The following BASP1 variants were observed in gnomAD, a reference collection of about 807,000 sequenced individuals.
BASP1 encodes brain acid soluble protein 1.
Under a neutral mutation model 2.2 loss-of-function variants are expected in BASP1, and 1 was observed. The observed-to-expected ratio is 0.46, with a 90% CI of 0.16 to 2.17. BASP1 has a LOEUF of 2.17. BASP1 is among the 30% of genes most tolerant of loss of function. BASP1 has a pLI of 0.27. For synonymous variants in BASP1, 187 were observed against 154.2 expected (o/e 1.21, Z -1.58); for missense variants, 352 against 327.2 (o/e 1.08, Z -0.58).
Position 17,236,482 on chromosome 5 carries a change from C to A in BASP1, c.-10+18672C>A, listed in dbSNP as rs1204375676. On this transcript the variant is annotated intron_variant, in intron 1 of 1. Transcript: ENST00000322611. The surrounding 1 kb of genome is among the most constrained non-coding windows in gnomAD (Gnocchi z 4.0). ...GTTTCGCCTTGTTGGTCAGGCTGGT[C>A]TCAAACTCCTGACCTTAGGTGATCC... is the stretch of plus-strand genomic sequence containing the variant. Among the ~76,000 whole-genome samples, 3 of 152,208 alleles carry A rather than the reference C, an allele frequency of 2.0e-5. No homozygotes were observed. The East Asian group carries it at 5.8e-4, about 29-fold the overall frequency.
At chr5:17,226,778 G>A (rs1177717937) in intron 1 of BASP1, among the ~76,000 whole-genome samples, 1 of 152,150 alleles carries the variant, frequency 6.6e-6, no homozygotes, top group Non-Finnish European at 1.5e-5. Flanking sequence ...TAGATGGACA[G>A]GCAGAGAGTT....
chr5:17,227,774 C>T (rs573652542), intron 1 of BASP1, among the ~76,000 whole-genome samples: 1 of 152,286 alleles, frequency 6.6e-6, no homozygotes, highest in African/African-American at 2.4e-5. Context: ...CCAAAGGCTT[C>T]TCATAATCAC....
At chr5:17,250,327 T>G (rs1232560229) in intron 1 of BASP1, among the ~76,000 whole-genome samples, 1 of 152,244 alleles carries the variant, frequency 6.6e-6, no homozygotes, top group African/African-American at 2.4e-5. Context: ...TCGTAAAAAG[T>G]GTGTTCTTTG....
chr5:17,253,172 TA>T (rs1472067676), intron 1 of BASP1, among the ~76,000 whole-genome samples: 2 of 152,246 alleles, frequency 1.3e-5, no homozygotes, highest in African/African-American at 4.8e-5. Context: ...TTAGTTACTT[TA>T]AAAAGGACTT....
At chr5:17,268,714 G>A (rs1740475871) in intron 1 of BASP1, among the ~76,000 whole-genome samples, 1 of 152,164 alleles carries the variant, frequency 6.6e-6, no homozygotes, top group Non-Finnish European at 1.5e-5. Flanking sequence ...GGAAAACTCG[G>A]TAGAGGAGAT....
At chr5:17,218,169 C>G (rs1450012645) in intron 1 of BASP1, among the ~76,000 whole-genome samples, 2 of 150,682 alleles carry the variant, frequency 1.3e-5, no homozygotes, top group Admixed American at 6.7e-5. Flanking sequence ...CGTTGAGTCC[C>G]GGGGAGACGG....
chr5:17,258,679 C>T (rs906331673), intron 1 of BASP1, among the ~76,000 whole-genome samples: 1 of 152,106 alleles, frequency 6.6e-6, no homozygotes, highest in Non-Finnish European at 1.5e-5. Context: ...TGTTTCATCC[C>T]CAAGTCTGGG....
At chr5:17,232,362 G>C (rs988655793) in intron 1 of BASP1, among the ~76,000 whole-genome samples, 7 of 152,320 alleles carry the variant, frequency 4.6e-5, no homozygotes, top group African/African-American at 1.7e-4. Context: ...CCTTTGTGAA[G>C]CTGCGAACAT....
At position 17,251,068 on chromosome 5, in the gene BASP1, A is replaced by G. The variant is rs1740094391; in HGVS notation, c.-9-24140A>G. ...ATGTTAAATTCCAGAAATGGGTTCT[A>G]GGGCTGATCTGGTAGTTGAGGGGTG... On this transcript the variant is annotated intron_variant, in intron 1 of 1. Coordinates refer to ENST00000322611, the MANE Select transcript of BASP1 (RefSeq NM_006317.5). This position sits in a 1 kb window ranked among gnomAD's most constrained non-coding sequence, Gnocchi z 4.0. Among the ~76,000 whole-genome samples, 1 of 152,222 alleles carries G rather than the reference A, an allele frequency of 6.6e-6. No homozygotes were observed. The highest frequency in any genetic ancestry group is 1.5e-5 in the Non-Finnish European group (1 of 68,040).
chr5:17,249,007 G>A (rs1039385890), intron 1 of BASP1, among the ~76,000 whole-genome samples: 1 of 152,134 alleles, frequency 6.6e-6, no homozygotes, highest in African/African-American at 2.4e-5. Flanking sequence ...TATATGTGTT[G>A]CATTGTAGAG....
chr5:17,261,918 A>AGGTGT (rs1458560709), intron 1 of BASP1, among the ~76,000 whole-genome samples: 1 of 152,202 alleles, frequency 6.6e-6, no homozygotes, highest in Non-Finnish European at 1.5e-5. Flanking sequence ...TCAAAGAGGC[A>AGGTGT]GGTGTCTTCA....
chr5:17,226,341 A>G (rs1739504852), intron 1 of BASP1, among the ~76,000 whole-genome samples: 2 of 152,246 alleles, frequency 1.3e-5, no homozygotes, highest in Non-Finnish European at 2.9e-5. Context: ...AGCTTTCTAA[A>G]TTACAAATTT....
intron 1 of BASP1, among the ~76,000 whole-genome samples, chr5:17,234,005 C>T (rs1008754704): frequency 6.6e-6 from 1 of 152,108 alleles, no homozygotes; most frequent in Admixed American, 6.5e-5. Context: ...GTGGCACACG[C>T]CTGTTGTCTC....
At chr5:17,231,030 A>G (rs1159271596) in intron 1 of BASP1, among the ~76,000 whole-genome samples, 1 of 152,216 alleles carries the variant, frequency 6.6e-6, no homozygotes, top group African/African-American at 2.4e-5. Flanking sequence ...TAATTTTACT[A>G]CACTAGATAA....
At chr5:17,252,570 T>G (rs1740124185) in intron 1 of BASP1, among the ~76,000 whole-genome samples, 1 of 152,218 alleles carries the variant, frequency 6.6e-6, no homozygotes, top group Non-Finnish European at 1.5e-5. Flanking sequence ...GAGTTTAACC[T>G]GTGTGTCCAG....
At chr5:17,235,283 C>A (rs1370637951) in intron 1 of BASP1, among the ~76,000 whole-genome samples, 1 of 146,352 alleles carries the variant, frequency 6.8e-6, no homozygotes, top group Non-Finnish European at 1.5e-5. Context: ...TTTTTTGAGA[C>A]TGAGTCTCAC....
At chr5:17,228,292 G>T (rs1739559752) in intron 1 of BASP1, among the ~76,000 whole-genome samples, 1 of 152,134 alleles carries the variant, frequency 6.6e-6, no homozygotes, top group Admixed American at 6.5e-5. Context: ...GGTACAGGGG[G>T]TCATCGTAAG....
Position 17,260,986 on chromosome 5 carries a change from C to T in BASP1, c.-9-14222C>T, listed in dbSNP as rs1343635833. Among the ~76,000 whole-genome samples, 1 of 152,018 alleles carries T rather than the reference C, an allele frequency of 6.6e-6. No individual in the cohort carries two copies. The highest frequency in any genetic ancestry group is 1.5e-5 in the Non-Finnish European group (1 of 68,010). Reference sequence around the variant, plus strand: ...CTTGAGCTCAGGAGTTAAAGACTAGCCTGGGAAATATAGTGAGACTCCCAT... The same window carrying T: ...CTTGAGCTCAGGAGTTAAAGACTAGTCTGGGAAATATAGTGAGACTCCCAT... On this transcript the variant is annotated intron_variant, in intron 1 of 1. Transcript: ENST00000322611. The surrounding 1 kb of genome is among the most constrained non-coding windows in gnomAD (Gnocchi z 4.2).
At chr5:17,243,987 A>G (rs1276300842) in intron 1 of BASP1, among the ~76,000 whole-genome samples, 1 of 152,218 alleles carries the variant, frequency 6.6e-6, no homozygotes, top group Non-Finnish European at 1.5e-5. Context: ...TTTTTTGCAA[A>G]TATATCCTTA....
Sources: allele counts gnomAD v4.1 joint callset (sites outside exome capture counted in the v4.1 genomes callset), GRCh38; gene constraint gnomAD v4.1.1; non-coding constraint Gnocchi (gnomAD v3.1); transcripts MANE v1.5; gene names NCBI Gene and HGNC (gene_info 2026-07-23, HGNC 2026-07-21).